NUDT9: variants seen among roughly 807,000 people sequenced by gnomAD.
NUDT9 encodes nudix hydrolase 9, also known as ADP-ribose pyrophosphatase.
In NUDT9, 31 loss-of-function variants were observed where a neutral mutation model predicts 41.0. That is an observed-to-expected ratio of 0.76 (90% confidence interval 0.57 to 1.02). NUDT9 has a LOEUF of 1.02. Ranked by LOEUF, NUDT9 falls within the 50% of genes least tolerant of loss-of-function variation. NUDT9 has a pLI of 0.00. For synonymous variants in NUDT9, 146 were observed against 147.6 expected (o/e 0.99, Z 0.08); for missense variants, 380 against 431.4 (o/e 0.88, Z 1.06).
chr4:87,422,894 C>G lies in NUDT9; in HGVS notation c.-12C>G, dbSNP rs746099847. ...AGCGACCTAGCATCGCAAAGCCGCCCTCGGGGCGCTCATGGCGGGACGCCT... is the reference window on the plus strand; with the variant it reads ...AGCGACCTAGCATCGCAAAGCCGCCGTCGGGGCGCTCATGGCGGGACGCCT... On this transcript the variant is annotated 5_prime_UTR_variant, in exon 1 of 8. Coordinates refer to ENST00000302174, the MANE Select transcript of NUDT9 (RefSeq NM_024047.5). The G allele has an allele frequency of 6.2e-7, 1 of 1,606,482 alleles. No homozygotes were observed. Among genetic ancestry groups the G allele is most frequent in the South Asian group, 1.1e-5 (1 of 90,804 alleles).
At chr4:87,434,805 G>A (rs1258540292) in intron 1 of NUDT9, among the ~76,000 whole-genome samples, 176 bp from the exon 2 acceptor site, 2 of 152,062 alleles carry the variant, frequency 1.3e-5, no homozygotes, top group African/African-American at 4.8e-5. Flanking sequence ...TTTTAGTAGA[G>A]ACGGCATTTC....
chr4:87,453,604 GT>G (rs1047258813), intron 6 of NUDT9, among the ~76,000 whole-genome samples: 23 of 151,442 alleles, frequency 1.5e-4, no homozygotes, highest in Admixed American at 1.1e-3. Flanking sequence ...TAATTTTTGT[GT>G]TTTTAGTAGA....
chr4:87,425,109 G>A (rs1264238986), intron 1 of NUDT9, among the ~76,000 whole-genome samples: 1 of 151,998 alleles, frequency 6.6e-6, no homozygotes, highest in East Asian at 1.9e-4. Flanking sequence ...TAATCCCAGT[G>A]CTTTGGAAGG....
chr4:87,447,580 A>G (rs536778921), intron 4 of NUDT9, among the ~76,000 whole-genome samples: 3 of 151,328 alleles, frequency 2.0e-5, no homozygotes, highest in African/African-American at 7.3e-5. Context: ...GGAAGGGGAG[A>G]TTTATTAATA....
intron 1 of NUDT9, among the ~76,000 whole-genome samples, chr4:87,432,270 T>C (rs1057258191): frequency 2.6e-5 from 4 of 152,216 alleles, no homozygotes; most frequent in African/African-American, 9.6e-5. Flanking sequence ...ATATATACTT[T>C]AAACAGGTAG....
intron 7 of NUDT9, among the ~76,000 whole-genome samples, chr4:87,457,225 T>G (rs1232549550): frequency 6.6e-6 from 1 of 150,410 alleles, no homozygotes; most frequent in East Asian, 2.0e-4. Flanking sequence ...TTTATTTTTT[T>G]GATAATTTAA....
rs145715592 is a variant in NUDT9 at position 87,434,983 on chromosome 4, A to T, written c.110A>T (p.Asn37Ile). The T allele has an allele frequency of 6.2e-7, 1 of 1,602,952 alleles. No homozygotes were observed. The highest frequency in any genetic ancestry group is 8.5e-7 in the Non-Finnish European group (1 of 1,176,200). Residue 37 changes from asparagine to isoleucine, a missense_variant and splice_region_variant, in exon 2 of 8, where the codon AAC (asparagine) becomes ATC (isoleucine). By Grantham distance (149) the Asn-to-Ile change is moderately radical. Transcript: ENST00000302174. ...ATGTTTTTCTTTTTCTCCCCCAGAA[A>T]CTCGTTTTCATCTTCTTGGTTTCAT... ...SRCRGIQAFR[N>I]SFSSSWFHLN...
chr4:87,422,860 C>A lies in NUDT9; in HGVS notation c.-46C>A. The A allele has an allele frequency of 6.6e-7, 1 of 1,504,208 alleles. No individual in the cohort carries two copies. Among genetic ancestry groups the A allele is most frequent in the Non-Finnish European group, 9.1e-7 (1 of 1,097,654 alleles). 93.2% of individuals were successfully genotyped at this position (1,504,208 alleles called of 1,614,324 possible). ...TGTGGGGTGTGGGGAGGCGGAGGCA[C>A]CAACTAAGAGCGACCTAGCATCGCA... On this transcript the variant is annotated 5_prime_UTR_variant, in exon 1 of 8. Transcript: ENST00000302174.
intron 6 of NUDT9, among the ~76,000 whole-genome samples, chr4:87,453,655 C>T (rs899893504): frequency 3.3e-5 from 5 of 151,930 alleles, no homozygotes; most frequent in African/African-American, 1.2e-4. Context: ...GTCTTGATCT[C>T]TTGACCTCAT....
intron 5 of NUDT9, among the ~76,000 whole-genome samples, chr4:87,450,078 G>A (rs1002017065): frequency 6.6e-6 from 1 of 152,098 alleles, no homozygotes; most frequent in African/African-American, 2.4e-5. Context: ...GGCCAGGCTG[G>A]TCTCGAACTC....
rs775165839 is a variant in NUDT9 at position 87,454,343 on chromosome 4, TA to T, written c.790-22del. ...CTGTACTCACTACACCTTGGACTTT[TA>T]AAAAATTTGTCTTCTTTTGAAAATA... On this transcript the variant is annotated intron_variant, in intron 6 of 7. Transcript: ENST00000302174. 6 of 1,427,120 alleles carry T rather than the reference TA, an allele frequency of 4.2e-6. No homozygotes were observed. In the South Asian group the frequency reaches 4.6e-5, roughly 11 times the overall value. 88.4% of individuals were successfully genotyped at this position (1,427,120 alleles called of 1,614,324 possible). A position where few individuals can be genotyped will look rare whatever the true frequency, so the allele number is the denominator to read the frequency against.
intron 3 of NUDT9, among the ~76,000 whole-genome samples, chr4:87,438,631 T>C (rs1010131889): frequency 2.0e-5 from 3 of 152,192 alleles, no homozygotes; most frequent in South Asian, 2.1e-4. Flanking sequence ...TGTAATTGTA[T>C]CTTGGAAACA....
chr4:87,456,565 C>T (rs181889912), intron 7 of NUDT9, among the ~76,000 whole-genome samples: 2 of 152,204 alleles, frequency 1.3e-5, no homozygotes, highest in Non-Finnish European at 2.9e-5. Flanking sequence ...AAATGTAGGC[C>T]CCCTCTTCAT....
intron 7 of NUDT9, among the ~76,000 whole-genome samples, chr4:87,455,755 G>A (rs1229308145): frequency 2.0e-5 from 3 of 150,412 alleles, no homozygotes; most frequent in Non-Finnish European, 4.4e-5. Flanking sequence ...TCTGCCTCTC[G>A]GGTTCAGGCG....
intron 1 of NUDT9, 34 bp downstream of exon 1, chr4:87,423,046 C>T: frequency 1.3e-6 from 2 of 1,549,612 alleles, no homozygotes; most frequent in Non-Finnish European, 1.8e-6. Context: ...CTCCTTTGCC[C>T]TAGACCTTGA....
intron 7 of NUDT9, among the ~76,000 whole-genome samples, chr4:87,457,005 T>G (rs1723019175): frequency 6.6e-6 from 1 of 152,148 alleles, no homozygotes; most frequent in Non-Finnish European, 1.5e-5. Flanking sequence ...CTCTATTTCA[T>G]CAGAATAAAT....
At chr4:87,425,835 A>T (rs6816562) in intron 1 of NUDT9, among the ~76,000 whole-genome samples, 41,989 of 150,508 alleles carry the variant, frequency 0.28, 6,174 homozygotes, top group East Asian at 0.53. Flanking sequence ...TTTCTTTTTT[A>T]ATTGCTCTGT....
chr4:87,448,673 T>C (rs1305488601), intron 4 of NUDT9, among the ~76,000 whole-genome samples: 1 of 152,002 alleles, frequency 6.6e-6, no homozygotes, highest in Non-Finnish European at 1.5e-5. Flanking sequence ...AGAGATGAGG[T>C]CTTCCGTTGT....
chr4:87,435,345 G>C lies in NUDT9; in HGVS notation c.347+125G>C, dbSNP rs941191557. 7 of 1,113,762 alleles carry C rather than the reference G, an allele frequency of 6.3e-6. No homozygotes were observed. In the African/African-American group the frequency reaches 1.1e-4, roughly 17 times the overall value. The allele number at this position is 1,113,762 out of a possible 1,614,324, so 69.0% of individuals were successfully genotyped here. ...CTATGCTTAGCTGTGTTATAACTCA[G>C]TTTCCACATTTGCTTGAATTCTTGC... On this transcript the variant is annotated intron_variant, in intron 2 of 7. Transcript: ENST00000302174.
Sources: gnomAD v4.1 joint callset for allele counts (sites outside exome capture counted in the v4.1 genomes callset) on GRCh38, gnomAD v4.1.1 for gene constraint, MANE v1.5 for transcripts, NCBI Gene and HGNC (gene_info 2026-07-23, HGNC 2026-07-21) for gene names.